The following BCL6 variants were observed in gnomAD, a reference collection of about 807,000 sequenced individuals.
BCL6 encodes the protein BCL6 transcription repressor.
BCL6 carries 7 observed loss-of-function variants against 59.5 expected under a neutral mutation model. The observed-to-expected ratio is 0.12, with a 90% CI of 0.07 to 0.22. The LOEUF is 0.22. Among genes scored for constraint, BCL6 ranks in the 10% least tolerant of loss-of-function variants. The probability of loss-of-function intolerance (pLI) is 1.00; values close to 1 mark genes in which losing one functional copy is unlikely to be tolerated. For missense variants in BCL6, 685 were observed against 939.4 expected (o/e 0.73, Z 3.54); for synonymous variants, 339 against 349.7 (o/e 0.97, Z 0.34).
chr3:187,742,395 T>C (rs1369703736), intron 1 of BCL6, among the ~76,000 whole-genome samples: 1 of 152,148 alleles, frequency 6.6e-6, no homozygotes, highest in Non-Finnish European at 1.5e-5. Flanking sequence ...CCCATCCCTA[T>C]CCACCAAACC....
rs755397318 is a variant in BCL6 at position 187,729,190 on chromosome 3, T to A, written c.1215A>T (p.Pro405=). 3.2e-6 allele frequency: 5 copies of A among 1,570,636 alleles called. No individual in the cohort carries two copies. The highest frequency in any genetic ancestry group is 4.3e-6 in the Non-Finnish European group (5 of 1,156,008). ...AGGCAGGTGGGGCCGTGTAGGCTCG[T>A]GGGGAAAGGCGGCCCAGCTCAGCCT... ...PEQAELGRLS[P]RAYTAPPACQ... Residue 405 remains proline, a synonymous_variant, in exon 5 of 10, where the codon CCA becomes CCT. Transcript: ENST00000406870. This position sits in a 1 kb window ranked among gnomAD's most constrained non-coding sequence, Gnocchi z 5.6.
At position 187,745,301 on chromosome 3, in the gene BCL6, A is replaced by T. The variant is rs557218602; in HGVS notation, c.-50+109T>A. ...GGCAAGAGCGGAAAAAAAAAGAATT[A>T]AAAGGTAAAATAATGATCATGAGCA... On this transcript the variant is annotated intron_variant, in intron 1 of 9. Transcript: ENST00000406870. 7 of 399,194 alleles carry T rather than the reference A, an allele frequency of 1.8e-5. No individual in the cohort carries two copies. The South Asian group carries it at 3.7e-4, about 21-fold the overall frequency. The allele number at this position is 399,194 out of a possible 1,614,324, so 24.7% of individuals were successfully genotyped here.
At position 187,726,958 on chromosome 3, in the gene BCL6, AG is replaced by A. The variant is rs373072600; in HGVS notation, c.1541-61del. The A allele has an allele frequency of 4.1e-4, 650 of 1,575,544 alleles. 1 individual carries two copies. The African/African-American group carries it at 8.0e-3, about 19-fold the overall frequency. The stretch of plus-strand genomic sequence containing the variant: ...CACGAGGAAGGGAGGTAGGGCTCTA[AG>A]GCCGCTCTCCTCTGTAGCTACCCCT... On this transcript the variant is annotated intron_variant, in intron 6 of 9. Transcript: ENST00000406870.
At chr3:187,744,413 A>T (rs1229863402) in intron 1 of BCL6, among the ~76,000 whole-genome samples, 2 of 151,974 alleles carry the variant, frequency 1.3e-5, no homozygotes, top group African/African-American at 4.8e-5. Context: ...TCCCTCGACT[A>T]CAACCAAGAA....
intron 6 of BCL6, 95 bp from the exon 7 acceptor site, chr3:187,726,993 A>G (rs1482277670): frequency 7.0e-7 from 1 of 1,422,348 alleles, no homozygotes; most frequent in Non-Finnish European, 9.7e-7. Flanking sequence ...CTTGTGCCAA[A>G]CTGAACTCTC....
At chr3:187,742,803 T>C (rs1711657282) in intron 1 of BCL6, among the ~76,000 whole-genome samples, 1 of 152,180 alleles carries the variant, frequency 6.6e-6, no homozygotes, top group Admixed American at 6.5e-5. Flanking sequence ...TATCTTTTCG[T>C]CTTTTTTAAA....
chr3:187,740,454 A>G (rs1711546053), intron 1 of BCL6, among the ~76,000 whole-genome samples: 3 of 152,114 alleles, frequency 2.0e-5, no homozygotes, highest in Admixed American at 1.3e-4. Flanking sequence ...TTTAAAAAAA[A>G]TCCTCCAAGA....
At chr3:187,741,735 C>T (rs1156262992) in intron 1 of BCL6, among the ~76,000 whole-genome samples, 1 of 152,236 alleles carries the variant, frequency 6.6e-6, no homozygotes, top group Non-Finnish European at 1.5e-5. Context: ...GACCAGCCTA[C>T]CATTGCTCCA....
intron 1 of BCL6, among the ~76,000 whole-genome samples, chr3:187,743,453 A>G (rs994941249): frequency 1.3e-5 from 2 of 152,034 alleles, no homozygotes; most frequent in Non-Finnish European, 2.9e-5. Context: ...CTCAACTGTC[A>G]GGACCCCCCA....
chr3:187,731,313 T>G (rs1719031178), intron 4 of BCL6, among the ~76,000 whole-genome samples: 1 of 152,122 alleles, frequency 6.6e-6, no homozygotes, highest in South Asian at 2.1e-4. Context: ...AAAATACATA[T>G]GCAAATATTA....
At chr3:187,735,520 T>C (rs1719244965) in intron 1 of BCL6, among the ~76,000 whole-genome samples, 1 of 152,206 alleles carries the variant, frequency 6.6e-6, no homozygotes, top group Non-Finnish European at 1.5e-5. Flanking sequence ...GCCTGAGATG[T>C]CATGTCTACG....
chr3:187,724,671 C>T (rs181938874), intron 9 of BCL6: 184 of 470,634 alleles, frequency 3.9e-4, no homozygotes, highest in Non-Finnish European at 1.6e-4. Flanking sequence ...AGTCTAGACT[C>T]CTCTCCTAAG....
intron 1 of BCL6, among the ~76,000 whole-genome samples, chr3:187,738,488 C>T (rs1719394042): frequency 6.6e-6 from 1 of 152,214 alleles, no homozygotes; most frequent in Admixed American, 6.5e-5. Context: ...ATCCGATTTC[C>T]CCGAAACCGT....
In BCL6 at chr3:187,722,206, C is replaced by T. The variant is rs2108552923; in HGVS notation, c.*252G>A. 3 of 388,378 alleles carry T rather than the reference C, an allele frequency of 7.7e-6. No homozygotes were observed. The East Asian group carries it at 1.2e-4, about 16-fold the overall frequency. The allele number at this position is 388,378 out of a possible 1,614,324, so 24.1% of individuals were successfully genotyped here. On this transcript the variant is annotated 3_prime_UTR_variant, in exon 10 of 10. Coordinates refer to ENST00000406870, the MANE Select transcript of BCL6 (RefSeq NM_001706.5). ...ATAAAATGATTTTGCTTTTTGCTGACATGGTTCACCTTACACATAGGAGAA... is the reference window on the plus strand; with the variant it reads ...ATAAAATGATTTTGCTTTTTGCTGATATGGTTCACCTTACACATAGGAGAA...
rs1718614995 is a variant in BCL6, at chr3:187,725,176, A to C, written c.1840-98T>G. 6.5e-7 allele frequency: 1 copy of C among 1,534,586 alleles called. No homozygotes were observed. The highest frequency in any genetic ancestry group is 8.9e-7 in the Non-Finnish European group (1 of 1,121,636). On this transcript the variant is annotated intron_variant, in intron 8 of 9. Coordinates refer to ENST00000406870, the MANE Select transcript of BCL6 (RefSeq NM_001706.5). This position sits in a 1 kb window ranked among gnomAD's most constrained non-coding sequence, Gnocchi z 4.7. The stretch of plus-strand genomic sequence containing the variant: ...ACAGCCAGTGAGTGGGCCTTTCTCC[A>C]GGCCACTCTGCTCACCTGCACACAG...
intron 1 of BCL6, among the ~76,000 whole-genome samples, chr3:187,744,374 A>G (rs1054701886): frequency 6.9e-6 from 1 of 144,600 alleles, no homozygotes; most frequent in African/African-American, 2.5e-5. Flanking sequence ...CCTCGGGATG[A>G]GCAGGGAGAG....
intron 1 of BCL6, among the ~76,000 whole-genome samples, chr3:187,745,129 TAATA>T: frequency 6.6e-6 from 1 of 151,932 alleles, no homozygotes; most frequent in Admixed American, 6.5e-5. Context: ...ACAATAATAA[TAATA>T]AATACATAAC....
At chr3:187,745,141 A>G (rs530093749) in intron 1 of BCL6, among the ~76,000 whole-genome samples, 7 of 152,210 alleles carry the variant, frequency 4.6e-5, no homozygotes, top group East Asian at 3.9e-4. Context: ...ATAAATACAT[A>G]ACAATCTATA....
chr3:187,730,045 G>C, intron 4 of BCL6, 24 bp from the exon 5 acceptor site: 1 of 1,528,038 alleles, frequency 6.5e-7, no homozygotes, highest in Non-Finnish European at 8.8e-7. Flanking sequence ...AAAGAGGAAA[G>C]ACACCGGCCC....
Sources: gnomAD v4.1 joint callset for allele counts (sites outside exome capture counted in the v4.1 genomes callset) on GRCh38, gnomAD v4.1.1 for gene constraint, Gnocchi (gnomAD v3.1) non-coding constraint, MANE v1.5 for transcripts, NCBI Gene and HGNC (gene_info 2026-07-23, HGNC 2026-07-21) for gene names.